TMEM163: variants seen among roughly 807,000 people sequenced by gnomAD.
TMEM163 encodes transmembrane protein 163.
In TMEM163, 17 loss-of-function variants were observed where a neutral mutation model predicts 29.3. The ratio of observed to expected loss-of-function variants is 0.58; its 90% confidence interval spans 0.40 to 0.87. The LOEUF is 0.87. Ranked by LOEUF, TMEM163 falls within the 40% of genes least tolerant of loss-of-function variation. The pLI, the probability that TMEM163 is intolerant of heterozygous loss-of-function variation, is 0.00. For synonymous variants in TMEM163, 157 were observed against 160.6 expected, an observed-to-expected ratio of 0.98 and a Z score of 0.17; for missense variants, 303 against 381.5, an observed-to-expected ratio of 0.79 and a Z score of 1.71.
In TMEM163 at chr2:134,466,129, C is replaced by T; in HGVS notation, c.652G>A (p.Ala218Thr). The T allele has an allele frequency of 6.2e-7, 1 of 1,613,456 alleles. No individual in the cohort carries two copies. The highest frequency in any genetic ancestry group is 8.5e-7 in the Non-Finnish European group (1 of 1,179,806). Reference sequence around the variant, plus strand: ...CCTTACTCACCATCTGTTATGAGTGCTCTACTGGTCAGAACCTTCCCCAGC... The same window carrying T: ...CCTTACTCACCATCTGTTATGAGTGTTCTACTGGTCAGAACCTTCCCCAGC... ...FMLGKVLTSR[A>T]LITDGFNSLV... is the part of the protein sequence containing the mutation. Residue 218 changes from alanine to threonine, a missense_variant, in exon 6 of 8, where the codon GCA becomes ACA. Ala to Thr is a moderately conservative substitution (Grantham distance 58). Transcript: ENST00000281924.
chr2:134,677,748 ATG>A (rs1346786801), intron 2 of TMEM163, among the ~76,000 whole-genome samples: 1 of 152,196 alleles, frequency 6.6e-6, no homozygotes, highest in African/African-American at 2.4e-5. Context: ...TTCCAAAATG[ATG>A]TGTTACTTCT....
At chr2:134,710,065 CA>C (rs2104898831) in intron 2 of TMEM163, among the ~76,000 whole-genome samples, 1 of 152,292 alleles carries the variant, frequency 6.6e-6, no homozygotes, top group South Asian at 2.1e-4. Flanking sequence ...CAGATCAAAT[CA>C]ATATACATCT....
At chr2:134,547,149 G>A (rs918255936) in intron 4 of TMEM163, among the ~76,000 whole-genome samples, 8 of 152,222 alleles carry the variant, frequency 5.3e-5, no homozygotes, top group East Asian at 3.9e-4. Flanking sequence ...CTACTGAACC[G>A]TATACTTAAA....
chr2:134,708,673 G>A (rs187849943), intron 2 of TMEM163, among the ~76,000 whole-genome samples: 56 of 151,948 alleles, frequency 3.7e-4, no homozygotes, highest in African/African-American at 1.3e-3. Context: ...TGCAACCTCC[G>A]TCTCCTGGAT....
intron 2 of TMEM163, among the ~76,000 whole-genome samples, chr2:134,558,046 A>C (rs1558944728): frequency 6.6e-6 from 1 of 152,208 alleles, no homozygotes; most frequent in Non-Finnish European, 1.5e-5. Context: ...ACAAAGGTCT[A>C]AAATGGAGTC....
chr2:134,703,800 CTGCT>C (rs1684751160), intron 2 of TMEM163, among the ~76,000 whole-genome samples: 1 of 148,156 alleles, frequency 6.7e-6, no homozygotes, highest in African/African-American at 2.5e-5. Context: ...AGAATGGGGG[CTGCT>C]GTCATTCTTA....
chr2:134,541,772 GCACACACA>G (rs57326163), intron 4 of TMEM163, among the ~76,000 whole-genome samples: 2,040 of 150,016 alleles, frequency 0.014, 62 homozygotes, highest in Admixed American at 0.083. Flanking sequence ...GTACACACGT[GCACACACA>G]CACACACACA....
At chr2:134,570,471 TATACATATACATATAC>T (rs1463772348) in intron 2 of TMEM163, among the ~76,000 whole-genome samples, 5 of 41,888 alleles carry the variant, frequency 1.2e-4, no homozygotes, top group East Asian at 4.0e-3. Context: ...TACATATATA[TATACATATACATATAC>T]ATATACATAT....
At chr2:134,675,036 TC>T (rs1377943355) in intron 2 of TMEM163, among the ~76,000 whole-genome samples, 1 of 152,260 alleles carries the variant, frequency 6.6e-6, no homozygotes, top group East Asian at 1.9e-4. Flanking sequence ...CGAGTAAATA[TC>T]TTTTTCATTT....
intron 5 of TMEM163, among the ~76,000 whole-genome samples, chr2:134,493,362 C>CTTTTTTTTTTTTTTTTTTTTTTTTTT (rs1159013721): frequency 2.0e-5 from 1 of 49,828 alleles, no homozygotes; most frequent in African/African-American, 8.9e-5. Flanking sequence ...CTTTTGGTGT[C>CTTTTTTTTTTTTTTTTTTTTTTTTTT]TTTTTTTTTT....
At chr2:134,493,149 T>C (rs1679465982) in intron 5 of TMEM163, among the ~76,000 whole-genome samples, 1 of 152,190 alleles carries the variant, frequency 6.6e-6, no homozygotes, top group South Asian at 2.1e-4. Context: ...TTATAAATTA[T>C]CTGCATAAAT....
chr2:134,635,757 G>A (rs1479150935), intron 2 of TMEM163, among the ~76,000 whole-genome samples: 1 of 152,132 alleles, frequency 6.6e-6, no homozygotes, highest in African/African-American at 2.4e-5. Context: ...CAGGAGCAAG[G>A]AAAAATGAAC....
intron 2 of TMEM163, among the ~76,000 whole-genome samples, chr2:134,586,973 C>G (rs931944469): frequency 6.6e-6 from 1 of 151,928 alleles, no homozygotes; most frequent in Non-Finnish European, 1.5e-5. Context: ...GAAACCTGGG[C>G]AAAATGAGAA....
intron 2 of TMEM163, among the ~76,000 whole-genome samples, chr2:134,700,565 T>C (rs1684677483): frequency 6.6e-6 from 1 of 152,182 alleles, no homozygotes; most frequent in African/African-American, 2.4e-5. Context: ...TTGCTTCCTC[T>C]AAAAACCCCA....
intron 2 of TMEM163, among the ~76,000 whole-genome samples, chr2:134,709,630 G>A (rs1262616310): frequency 1.3e-5 from 2 of 152,088 alleles, no homozygotes; most frequent in Non-Finnish European, 2.9e-5. Context: ...CTTGTAAACC[G>A]CAAATAAAAT....
intron 2 of TMEM163, among the ~76,000 whole-genome samples, chr2:134,676,575 C>A (rs1311383777): frequency 6.6e-6 from 1 of 152,122 alleles, no homozygotes; most frequent in East Asian, 1.9e-4. Context: ...CAGAACTGTA[C>A]AACCATCAGC....
chr2:134,696,879 G>A (rs921121279), intron 2 of TMEM163, among the ~76,000 whole-genome samples: 6 of 152,072 alleles, frequency 3.9e-5, no homozygotes, highest in African/African-American at 7.2e-5. Context: ...AGGTTCAAGC[G>A]ATTCTCCTTC....
chr2:134,464,304 C>CT (rs1458251303), intron 6 of TMEM163, among the ~76,000 whole-genome samples: 1 of 152,130 alleles, frequency 6.6e-6, no homozygotes, highest in Non-Finnish European at 1.5e-5. Flanking sequence ...CAGCACCAAA[C>CT]TTCAGTGTGC....
chr2:134,497,765 G>A (rs1242109767), intron 5 of TMEM163, among the ~76,000 whole-genome samples: 1 of 152,148 alleles, frequency 6.6e-6, no homozygotes, highest in Non-Finnish European at 1.5e-5. Flanking sequence ...GCCAGTTAGG[G>A]GTGGGTTAGG....
Sources: gnomAD v4.1 joint callset for allele counts (sites outside exome capture counted in the v4.1 genomes callset) on GRCh38, gnomAD v4.1.1 for gene constraint, MANE v1.5 for transcripts, NCBI Gene and HGNC (gene_info 2026-07-23, HGNC 2026-07-21) for gene names.